PEMT: variants seen among roughly 807,000 people sequenced by gnomAD.
PEMT encodes phospholipid methyltransferase.
In PEMT, 23 loss-of-function variants were observed where a neutral mutation model predicts 27.4. The ratio of observed to expected loss-of-function variants is 0.84; its 90% CI spans 0.60 to 1.19. The LOEUF (loss-of-function observed/expected upper bound fraction) is 1.19, where lower values mean the gene tolerates loss of function less well. PEMT is among the 50% of genes most tolerant of loss of function. The pLI, the probability that PEMT is intolerant of heterozygous loss-of-function variation, is 0.00. For missense variants in PEMT, 307 were observed against 310.1 expected (o/e 0.99, Z 0.07); for synonymous variants, 137 against 139.1 (o/e 0.98, Z 0.11).
chr17:17,577,127 G>C, intron 1 of PEMT, 100 bp from the exon 2 acceptor site: 1 of 846,304 alleles, frequency 1.2e-6, no homozygotes, highest in Non-Finnish European at 2.0e-6. Flanking sequence ...CACACTGGGA[G>C]GCCTGGGAAC....
At chr17:17,579,080 T>C (rs1911817657) in intron 1 of PEMT, among the ~76,000 whole-genome samples, 2 of 152,328 alleles carry the variant, frequency 1.3e-5, no homozygotes, top group South Asian at 4.1e-4. Flanking sequence ...CTCCCACATT[T>C]TGGGGAAGCG....
chr17:17,582,961 C>G lies in PEMT; in HGVS notation c.97-5934G>C, dbSNP rs1052394399. Among the ~76,000 whole-genome samples the G allele has an allele frequency of 2.6e-5, 4 of 151,772 alleles. No individual in the cohort carries two copies. The highest frequency in any genetic ancestry group is 2.0e-4 in the Admixed American group (3 of 15,206). ...ACTGTAGTCCCAGCTACTGGGGAGG[C>G]TGAGGCAGAAGAATCACTTGAACCT... On this transcript the variant is annotated intron_variant, in intron 1 of 6. Coordinates refer to ENST00000255389, the MANE Select transcript of PEMT (RefSeq NM_148172.3). This position sits in a 1 kb window ranked among gnomAD's most constrained non-coding sequence, Gnocchi z 4.9.
intron 2 of PEMT, among the ~76,000 whole-genome samples, chr17:17,568,060 T>TACACACAC (rs147906381): frequency 6.6e-6 from 1 of 151,074 alleles, no homozygotes; most frequent in African/African-American, 2.4e-5. Flanking sequence ...CTCACACACC[T>TACACACAC]ACACACACAC....
intron 2 of PEMT, among the ~76,000 whole-genome samples, chr17:17,573,076 C>T (rs1339125511): frequency 6.6e-6 from 1 of 152,214 alleles, no homozygotes; most frequent in Non-Finnish European, 1.5e-5. Flanking sequence ...GTAATCCCAG[C>T]TACTCAGGAG....
intron 2 of PEMT, among the ~76,000 whole-genome samples, chr17:17,544,181 T>C (rs1486484602): frequency 1.3e-5 from 2 of 152,098 alleles, no homozygotes; most frequent in African/African-American, 2.4e-5. Flanking sequence ...AACTTTATTT[T>C]ATATAAGGAA....
At chr17:17,554,079 G>C (rs1328484143) in intron 2 of PEMT, among the ~76,000 whole-genome samples, 1 of 152,270 alleles carries the variant, frequency 6.6e-6, no homozygotes, top group African/African-American at 2.4e-5. Context: ...GCAGAGGCCA[G>C]GCTCGGGGCC....
intron 2 of PEMT, among the ~76,000 whole-genome samples, chr17:17,539,412 C>T (rs919554495): frequency 2.6e-5 from 4 of 152,202 alleles, no homozygotes; most frequent in Admixed American, 6.5e-5. Context: ...TGTGTTCCAT[C>T]CCGTTTCCCT....
In PEMT at chr17:17,506,266, A is replaced by G. The variant is rs758611919; in HGVS notation, c.614T>C (p.Leu205Pro). 3 of 1,585,946 alleles carry G rather than the reference A, an allele frequency of 1.9e-6. No homozygotes were observed. In the African/African-American group the frequency reaches 4.0e-5, roughly 21 times the overall value. ...AGCCACTATGTAGGTGAGGGCCACC[A>G]GCACCGTCAGGAGCAGGCCCGTGGG... is the stretch of plus-strand genomic sequence containing the variant. ...ASPTGLLLTV[L>P]VALTYIVALL... Residue 205 changes from leucine to proline, a missense_variant, in exon 6 of 7, where the codon CTG becomes CCG. Transcript: ENST00000255389.
rs926342288 is a variant in PEMT at position 17,513,832 on chromosome 17, C to T, written c.321-1178G>A. On this transcript the variant is annotated intron_variant, in intron 3 of 6. Transcript: ENST00000255389. This position sits in a 1 kb window ranked among gnomAD's most constrained non-coding sequence, Gnocchi z 4.1. ...ACAGGAAAGGCTGTGTGTGGGAGCA[C>T]GGACATGTGTGACCAAATGTGCTCT... Among the ~76,000 whole-genome samples, 5 of 152,096 alleles carry T rather than the reference C, an allele frequency of 3.3e-5. No homozygotes were observed. Among genetic ancestry groups the T allele is most frequent in the East Asian group, 1.9e-4 (1 of 5,190 alleles).
chr17:17,542,337 AGCTCCC>A, intron 2 of PEMT, among the ~76,000 whole-genome samples: 1 of 152,284 alleles, frequency 6.6e-6, no homozygotes, highest in Non-Finnish European at 1.5e-5. Context: ...TGCCTGATTG[AGCTCCC>A]GCTCAGTTAA....
chr17:17,543,465 C>T (rs1234937884), intron 2 of PEMT, among the ~76,000 whole-genome samples: 1 of 152,170 alleles, frequency 6.6e-6, no homozygotes, highest in Admixed American at 6.5e-5. Context: ...CGGAAGGCAG[C>T]GCACGCCACC....
At chr17:17,528,843 C>A (rs1907888935) in intron 2 of PEMT, among the ~76,000 whole-genome samples, 1 of 152,250 alleles carries the variant, frequency 6.6e-6, no homozygotes, top group Admixed American at 6.5e-5. Context: ...GCTGCCAAGG[C>A]TACTGGGCAT....
intron 2 of PEMT, among the ~76,000 whole-genome samples, chr17:17,530,487 C>T (rs1248262900): frequency 2.0e-5 from 3 of 151,124 alleles, no homozygotes; most frequent in East Asian, 3.9e-4. Context: ...AGAGAGACTC[C>T]GTCTCCAAAA....
intron 2 of PEMT, among the ~76,000 whole-genome samples, chr17:17,528,965 T>C (rs905331481): frequency 6.6e-6 from 1 of 152,228 alleles, no homozygotes; most frequent in Non-Finnish European, 1.5e-5. Context: ...ATAAGCTTCA[T>C]GTGCACGCCA....
At chr17:17,527,857 A>G (rs948607625) in intron 2 of PEMT, among the ~76,000 whole-genome samples, 3 of 152,288 alleles carry the variant, frequency 2.0e-5, no homozygotes, top group Admixed American at 2.0e-4. Context: ...CTCTGCGGCC[A>G]GCCCTTGATG....
At chr17:17,526,171 G>A (rs1284825419) in intron 2 of PEMT, among the ~76,000 whole-genome samples, 1 of 152,140 alleles carries the variant, frequency 6.6e-6, no homozygotes, top group Non-Finnish European at 1.5e-5. Flanking sequence ...GTTCCCAGCT[G>A]AGCTCTGGAA....
chr17:17,585,149 C>T (rs1912177936), intron 1 of PEMT, among the ~76,000 whole-genome samples: 1 of 152,126 alleles, frequency 6.6e-6, no homozygotes, highest in Non-Finnish European at 1.5e-5. Flanking sequence ...ACTAGCCTAG[C>T]CGATATGGTG....
chr17:17,568,114 T>G (rs1269379504), intron 2 of PEMT, among the ~76,000 whole-genome samples: 1 of 152,186 alleles, frequency 6.6e-6, no homozygotes, highest in Non-Finnish European at 1.5e-5. Flanking sequence ...ATTGCAGGTA[T>G]GCACTTGGGG....
intron 2 of PEMT, among the ~76,000 whole-genome samples, chr17:17,558,682 G>GAA (rs141641212): frequency 0.014 from 1,360 of 95,436 alleles, 39 homozygotes; most frequent in African/African-American, 0.042. Flanking sequence ...CCAGTCTCAC[G>GAA]AAAAAAAAAA....
Sources: gnomAD v4.1 joint callset for allele counts (sites outside exome capture counted in the v4.1 genomes callset) on GRCh38, gnomAD v4.1.1 for gene constraint, Gnocchi (gnomAD v3.1) non-coding constraint, MANE v1.5 for transcripts, NCBI Gene and HGNC (gene_info 2026-07-23, HGNC 2026-07-21) for gene names.